The following GABRA4 variants were observed in gnomAD, a reference collection of about 807,000 sequenced individuals.
The protein encoded by GABRA4 is gamma-aminobutyric acid type A receptor subunit alpha4.
Under a neutral mutation model 49.7 loss-of-function variants are expected in GABRA4, and 12 were observed. The ratio of observed to expected loss-of-function variants is 0.24; its 90% CI spans 0.15 to 0.39. The LOEUF is 0.39. Among genes scored for constraint, GABRA4 ranks in the 10% least tolerant of loss-of-function variants. The pLI is 1.00. For missense variants in GABRA4, 506 were observed against 686.0 expected (o/e 0.74, Z 2.93); for synonymous variants, 288 against 240.2 (o/e 1.20, Z -1.84).
intron 5 of GABRA4, among the ~76,000 whole-genome samples, chr4:46,975,784 G>A (rs982271430): frequency 1.5e-4 from 23 of 151,912 alleles, no homozygotes; most frequent in African/African-American, 5.3e-4. Context: ...AAATTTGAAT[G>A]ATTACAGCAC....
At chr4:46,955,317 GA>G (rs1332667153) in intron 8 of GABRA4, among the ~76,000 whole-genome samples, 1 of 151,956 alleles carries the variant, frequency 6.6e-6, no homozygotes, top group Non-Finnish European at 1.5e-5. Flanking sequence ...TCCTTTTATG[GA>G]AAAGGAAAGA....
rs201543699 is a variant in GABRA4 at position 46,971,076 on chromosome 4, C to T, written c.874+7G>A. On this transcript the variant is annotated splice_region_variant and intron_variant, in intron 7 of 8. Transcript: ENST00000264318. ...ACAAAAACGCCCAAGAAATGAATTG[C>T]AATTACCAAATACAGTCCTAGCGGG... is the stretch of plus-strand genomic sequence containing the variant. The T allele has an allele frequency of 2.5e-6, 4 of 1,598,252 alleles. No individual in the cohort carries two copies. The highest frequency in any genetic ancestry group is 1.4e-5 in the African/African-American group (1 of 73,780).
intron 7 of GABRA4, among the ~76,000 whole-genome samples, chr4:46,970,595 T>A (rs1280691413): frequency 6.6e-6 from 1 of 151,528 alleles, no homozygotes; most frequent in Non-Finnish European, 1.5e-5. Flanking sequence ...TATGAGCTTA[T>A]AAACTAAGCA....
Position 46,971,219 on chromosome 4 carries a change from C to A in GABRA4, c.738G>T (p.Met246Ile). The A allele has an allele frequency of 6.2e-7, 1 of 1,609,432 alleles. No homozygotes were observed. The change falls in exon 7 of 9, where the codon ATG becomes ATT. Residue 246 changes from methionine to isoleucine, a missense_variant. Around this residue, in one of 5 missense-constraint regions of GABRA4, gnomAD observed 195 missense variants for 326.0 expected, o/e 0.60. Transcript: ENST00000264318. ...TCCGTCTGAGGTGGAAGTAAACCGT[C>A]ATAACAATATATTCACCTGCCAAGA... ...IKSITGEYIV[M>I]TVYFHLRRKM...
intron 8 of GABRA4, among the ~76,000 whole-genome samples, chr4:46,964,424 G>C (rs1177646493): frequency 6.6e-6 from 1 of 151,804 alleles, no homozygotes; most frequent in African/African-American, 2.4e-5. Flanking sequence ...TACTTGGACT[G>C]TTTGTAACTC....
chr4:46,974,327 T>C lies in GABRA4; in HGVS notation c.626A>G (p.Glu209Gly), dbSNP rs537935961. The part of the protein sequence containing the change: ...EMIYTWTKGP[E>G]KSVEVPKESS... ...CTCCTTCGGAACTTCAACTGATTTC[T>C]CAGGACCTTTTGTCCAGGTATAGAT... is the stretch of plus-strand genomic sequence containing the variant. The change falls in exon 6 of 9, where the codon GAG becomes GGG. Residue 209 changes from glutamate (E) to glycine (G), a missense_variant. By Grantham distance (98) the Glu-to-Gly change is moderately conservative (BLOSUM62 -2). Around this residue, in one of 5 missense-constraint regions of GABRA4, gnomAD observed 195 missense variants for 326.0 expected, o/e 0.60. Transcript: ENST00000264318. 1.9e-6 allele frequency: 3 copies of C among 1,611,814 alleles called. No homozygotes were observed. In the African/African-American group the frequency reaches 4.0e-5, roughly 22 times the overall value.
At chr4:46,977,305 G>A (rs1723172049) in intron 4 of GABRA4, 105 bp downstream of exon 4, 3 of 511,504 alleles carry the variant, frequency 5.9e-6, no homozygotes, top group Admixed American at 3.9e-5. Flanking sequence ...AGGGAGGGAG[G>A]AAGGGAGGGA....
chr4:46,930,671 ATCT>A (rs1361502596), intron 8 of GABRA4, among the ~76,000 whole-genome samples: 3 of 151,850 alleles, frequency 2.0e-5, no homozygotes, highest in Admixed American at 6.6e-5. Flanking sequence ...GTTGCATACC[ATCT>A]TCTTCTTTCA....
chr4:46,931,192 T>C (rs1207443170), intron 8 of GABRA4, among the ~76,000 whole-genome samples: 1 of 152,036 alleles, frequency 6.6e-6, no homozygotes, highest in African/African-American at 2.4e-5. Flanking sequence ...GAAGAAACAA[T>C]ACCTGACATT....
chr4:46,986,344 A>T lies in GABRA4; in HGVS notation c.205+6484T>A, dbSNP rs563886175. ...ACTGCTCCATCAAAACAGTCAAAAC[A>T]GTGGTCAATTTTAAGTTCTTATCTT... On this transcript the variant is annotated intron_variant, in intron 2 of 8. Coordinates refer to ENST00000264318, the MANE Select transcript of GABRA4 (RefSeq NM_000809.4). Among the ~76,000 whole-genome samples the T allele has an allele frequency of 1.4e-4, 21 of 152,190 alleles. 1 individual carries two copies. The South Asian group carries it at 3.9e-3, about 29-fold the overall frequency.
intron 3 of GABRA4, 46 bp from the exon 4 acceptor site, chr4:46,977,676 C>T (rs771055572): frequency 7.7e-7 from 1 of 1,293,360 alleles, no homozygotes; most frequent in East Asian, 2.3e-5. Flanking sequence ...AATGACTACA[C>T]ATAAGTATGT....
At chr4:46,976,910 A>AGAAATAAAACCGGACAGTT in intron 5 of GABRA4, 151 bp downstream of exon 5, 4 of 537,382 alleles carry the variant, frequency 7.4e-6, no homozygotes, top group Non-Finnish European at 1.3e-5. Flanking sequence ...ATTATAAAAT[A>AGAAATAAAACCGGACAGTT]TTAGTTAATG....
In GABRA4 at chr4:46,976,354, C is replaced by CAAAAAAAAAAA. The variant is rs71193888; in HGVS notation, c.577+696_577+706dup. 3.9e-5 allele frequency among the ~76,000 whole-genome samples: 2 copies of CAAAAAAAAAAA among 51,758 alleles called. 1 individual carries two copies. Among genetic ancestry groups the CAAAAAAAAAAA allele is most frequent in the Non-Finnish European group, 7.0e-5 (2 of 28,398 alleles). The allele number at this position is 51,758 out of a possible 152,430, so 34.0% of individuals were successfully genotyped here. A position where few individuals can be genotyped will look rare whatever the true frequency, so the allele number is the denominator to read the frequency against. ...CTCCAGCCTCTCTACCACCCATTCT[C>CAAAAAAAAAAA]AAAAAAAAAAAAAAAAAAAAAAAAG... On this transcript the variant is annotated intron_variant, in intron 5 of 8. Coordinates refer to ENST00000264318, the MANE Select transcript of GABRA4 (RefSeq NM_000809.4).
chr4:46,983,025 A>G (rs1723411606), intron 2 of GABRA4, among the ~76,000 whole-genome samples: 1 of 151,968 alleles, frequency 6.6e-6, no homozygotes, highest in South Asian at 2.1e-4. Context: ...CTTCCCATAT[A>G]CTATTTCATG....
intron 8 of GABRA4, among the ~76,000 whole-genome samples, chr4:46,935,780 C>T (rs536875799): frequency 7.4e-4 from 113 of 152,216 alleles, no homozygotes; most frequent in Non-Finnish European, 1.1e-3. Context: ...AACAAACCTG[C>T]ACGTTCTGCA....
intron 8 of GABRA4, among the ~76,000 whole-genome samples, chr4:46,964,412 T>G (rs1246294074): frequency 6.6e-6 from 1 of 151,840 alleles, no homozygotes; most frequent in East Asian, 1.9e-4. Context: ...ACTTAAAGAA[T>G]GTACTTGGAC....
chr4:46,971,841 T>C (rs948444453), intron 6 of GABRA4, among the ~76,000 whole-genome samples: 3 of 150,582 alleles, frequency 2.0e-5, no homozygotes, highest in African/African-American at 7.3e-5. Context: ...AATATAGACG[T>C]GTATAACATA....
intron 8 of GABRA4, among the ~76,000 whole-genome samples, chr4:46,951,764 G>GTA (rs527644431): frequency 7.1e-4 from 105 of 148,362 alleles, no homozygotes; most frequent in African/African-American, 2.5e-3. Context: ...ATATGTATGT[G>GTA]TATATATATG....
intron 7 of GABRA4, among the ~76,000 whole-genome samples, chr4:46,966,905 A>G (rs1161313701): frequency 6.6e-6 from 1 of 151,758 alleles, no homozygotes; most frequent in Admixed American, 6.6e-5. Context: ...AAATATCTGC[A>G]TATCTATGAA....
Sources: allele counts gnomAD v4.1 joint callset (sites outside exome capture counted in the v4.1 genomes callset), GRCh38; gene constraint gnomAD v4.1.1; regional missense constraint gnomAD v4.1.1; transcripts MANE v1.5; gene names NCBI Gene and HGNC (gene_info 2026-07-23, HGNC 2026-07-21).